SEL1L: variants seen among roughly 807,000 people sequenced by gnomAD.
The protein encoded by SEL1L is SEL1L adaptor subunit of SYVN1 ubiquitin ligase.
A neutral mutation model predicts 109.8 loss-of-function variants in SEL1L; 52 were observed. That is an observed-to-expected ratio of 0.47 (90% CI 0.38 to 0.60). The LOEUF is 0.60. SEL1L is among the 20% of genes least tolerant of loss of function. The pLI is 0.00. For synonymous variants in SEL1L, 373 were observed against 339.6 expected, an observed-to-expected ratio of 1.10 and a Z score of -1.08; for missense variants, 749 against 962.2, an observed-to-expected ratio of 0.78 and a Z score of 2.93.
intron 3 of SEL1L, among the ~76,000 whole-genome samples, chr14:81,513,257 C>T (rs1884560678): frequency 6.6e-6 from 1 of 152,202 alleles, no homozygotes; most frequent in African/African-American, 2.4e-5. Context: ...AGCTGGCCAC[C>T]TGAGCCAGCA....
chr14:81,507,947 C>G (rs968707903), intron 3 of SEL1L, among the ~76,000 whole-genome samples: 7 of 152,154 alleles, frequency 4.6e-5, no homozygotes. Context: ...TATTTAATCT[C>G]TTAAGATTAC....
intron 20 of SEL1L, among the ~76,000 whole-genome samples, chr14:81,477,411 A>G (rs1903199005): frequency 6.6e-6 from 1 of 152,012 alleles, no homozygotes; most frequent in South Asian, 2.1e-4. Context: ...AATTTATAAT[A>G]GCTGACACTT....
chr14:81,510,514 C>CTCTCTCTATATATATATA (rs35474067), intron 3 of SEL1L, among the ~76,000 whole-genome samples: 150 of 104,054 alleles, frequency 1.4e-3, no homozygotes, highest in African/African-American at 2.5e-3. Flanking sequence ...CTCTCTCTCT[C>CTCTCTCTATATATATATA]TATATATATA....
chr14:81,484,192 T>A (rs374853317), intron 19 of SEL1L, 33 bp downstream of exon 19: 264 of 1,571,810 alleles, frequency 1.7e-4, no homozygotes, highest in Non-Finnish European at 2.1e-4. Flanking sequence ...ATCACAATTA[T>A]GTGATTCAAA....
chr14:81,522,582 C>T (rs187190714), intron 3 of SEL1L, among the ~76,000 whole-genome samples: 15 of 152,226 alleles, frequency 9.9e-5, no homozygotes, highest in Admixed American at 9.2e-4. Flanking sequence ...TAGCTAGGTT[C>T]GTGTAAGTAC....
chr14:81,472,832 C>A lies in SEL1L; in HGVS notation c.*4140G>T. ...AATGTTTTCAGAAGCTTCTGAATTT[C>A]CAAAAAACATTAAAAAATTGAATCA... On this transcript the variant is annotated 3_prime_UTR_variant, in exon 21 of 21. Transcript: ENST00000336735. 4.6e-6 allele frequency: 1 copy of A among 215,584 alleles called. No homozygotes were observed. Among genetic ancestry groups the A allele is most frequent in the Non-Finnish European group, 9.4e-6 (1 of 105,896 alleles). 13.4% of individuals were successfully genotyped at this position (215,584 alleles called of 1,614,324 possible).
At chr14:81,507,040 T>C (rs1428366508) in intron 3 of SEL1L, among the ~76,000 whole-genome samples, 1 of 151,988 alleles carries the variant, frequency 6.6e-6, no homozygotes, top group Non-Finnish European at 1.5e-5. Context: ...GAAAGGCTCA[T>C]GGGTGGGGTG....
chr14:81,519,873 T>A (rs1156509798), intron 3 of SEL1L, among the ~76,000 whole-genome samples: 1 of 152,208 alleles, frequency 6.6e-6, no homozygotes, highest in African/African-American at 2.4e-5. Context: ...ACTGTTATGT[T>A]GTGTTTGGAG....
Position 81,471,691 on chromosome 14 carries a change from G to T in SEL1L, c.*5281C>A, listed in dbSNP as rs1192510405. On this transcript the variant is annotated 3_prime_UTR_variant, in exon 21 of 21. Coordinates refer to ENST00000336735, the MANE Select transcript of SEL1L (RefSeq NM_005065.6). ...AGCATTAACATTGTTATGTTTAAAA[G>T]AAATTAACCCAGATAAAAAGAATTT... 2 of 152,128 alleles carry T rather than the reference G, an allele frequency of 1.3e-5. No homozygotes were observed. The highest frequency in any genetic ancestry group is 2.4e-5 in the African/African-American group (1 of 41,428). 9.4% of individuals were successfully genotyped at this position (152,128 alleles called of 1,614,324 possible). A position where few individuals can be genotyped will look rare whatever the true frequency, so the allele number is the denominator to read the frequency against.
At chr14:81,513,318 G>A (rs958979165) in intron 3 of SEL1L, among the ~76,000 whole-genome samples, 2 of 152,116 alleles carry the variant, frequency 1.3e-5, no homozygotes, top group African/African-American at 4.8e-5. Context: ...TTGTTCTTTC[G>A]CTCTTCACAA....
At chr14:81,519,710 T>C (rs1297635491) in intron 3 of SEL1L, among the ~76,000 whole-genome samples, 1 of 152,064 alleles carries the variant, frequency 6.6e-6, no homozygotes, top group Non-Finnish European at 1.5e-5. Context: ...TTACATATAG[T>C]AAACACTTTG....
chr14:81,484,330 A>G lies in SEL1L; in HGVS notation c.1941T>C (p.Tyr647=). Residue 647 remains tyrosine, a synonymous_variant, in exon 19 of 21, where the codon TAT becomes TAC. Transcript: ENST00000336735. ...HFYGFGTDVD[Y]ETAFIHYRLA... is the part of the protein sequence containing the mutation. The stretch of plus-strand genomic sequence containing the variant: ...GACGGTAATGAATAAATGCAGTTTC[A>G]TAATCTACATCGGTGCCAAACCCAT... The G allele has an allele frequency of 6.2e-7, 1 of 1,614,158 alleles. No homozygotes were observed. The highest frequency in any genetic ancestry group is 8.5e-7 in the Non-Finnish European group (1 of 1,180,000).
Position 81,491,484 on chromosome 14 carries a change from G to C in SEL1L, c.1254+996C>G, listed in dbSNP as rs190567532. ...CGTTCTTAAATGCTTAACAAAAACA[G>C]AGGGAAATACCAAGTTCTATGCTAT... On this transcript the variant is annotated intron_variant, in intron 12 of 20. Transcript: ENST00000336735. Among the ~76,000 whole-genome samples the C allele has an allele frequency of 2.5e-3, 374 of 152,322 alleles. 5 individuals are homozygous for C. The highest frequency in any genetic ancestry group is 8.5e-3 in the African/African-American group (352 of 41,560).
chr14:81,520,672 A>C (rs1225315007), intron 3 of SEL1L, among the ~76,000 whole-genome samples: 1 of 152,190 alleles, frequency 6.6e-6, no homozygotes, highest in African/African-American at 2.4e-5. Context: ...AAATATGGTA[A>C]AGAGAGACCT....
intron 1 of SEL1L, among the ~76,000 whole-genome samples, chr14:81,531,052 G>GGTGA: frequency 6.6e-6 from 1 of 152,158 alleles, no homozygotes; most frequent in South Asian, 2.1e-4. Context: ...AGTTGCTGTG[G>GGTGA]GTGAGTGAGT....
At chr14:81,504,833 T>A (rs1295680558) in intron 4 of SEL1L, among the ~76,000 whole-genome samples, 1 of 152,106 alleles carries the variant, frequency 6.6e-6, no homozygotes, top group Admixed American at 6.6e-5. Flanking sequence ...TGAAAGTATG[T>A]GGCACCTTGC....
chr14:81,510,514 C>CTCTCTCTCTCTCTCTATATATATA (rs35474067), intron 3 of SEL1L, among the ~76,000 whole-genome samples: 2 of 104,054 alleles, frequency 1.9e-5, no homozygotes, highest in African/African-American at 6.8e-5. Flanking sequence ...CTCTCTCTCT[C>CTCTCTCTCTCTCTCTATATATATA]TATATATATA....
chr14:81,496,050 G>A (rs1299733770), intron 10 of SEL1L, among the ~76,000 whole-genome samples: 2 of 152,136 alleles, frequency 1.3e-5, no homozygotes, highest in African/African-American at 2.4e-5. Flanking sequence ...TGGGCCGGGC[G>A]CGGTGCCTCA....
intron 18 of SEL1L, among the ~76,000 whole-genome samples, chr14:81,485,450 TG>T (rs1297380722): frequency 2.1e-5 from 3 of 145,464 alleles, no homozygotes; most frequent in African/African-American, 7.3e-5. Context: ...TAATTTTTTT[TG>T]TTTTTTTTTT....
Sources: gnomAD v4.1 joint callset for allele counts (sites outside exome capture counted in the v4.1 genomes callset) on GRCh38, gnomAD v4.1.1 for gene constraint, MANE v1.5 for transcripts, NCBI Gene and HGNC (gene_info 2026-07-23, HGNC 2026-07-21) for gene names.